The following SPAG16 variants were observed in gnomAD, a reference collection of about 807,000 sequenced individuals.
The protein encoded by SPAG16 is sperm associated antigen 16.
SPAG16 carries 86 observed loss-of-function variants against 80.4 expected under a neutral mutation model. That is an observed-to-expected ratio of 1.07 (90% CI 0.90 to 1.28). The LOEUF (loss-of-function observed/expected upper bound fraction) is 1.28. Ranked by LOEUF, SPAG16 falls within the 50% of genes most tolerant of loss-of-function variation. The pLI is 0.00. For synonymous variants in SPAG16, 294 were observed against 265.9 expected, an observed-to-expected ratio of 1.11 and a Z score of -1.03; for missense variants, 870 against 765.3, an observed-to-expected ratio of 1.14 and a Z score of -1.61.
At chr2:213,962,280 C>T (rs56050211) in intron 12 of SPAG16, among the ~76,000 whole-genome samples, 36 of 151,358 alleles carry the variant, frequency 2.4e-4, no homozygotes, top group Non-Finnish European at 4.6e-4. Context: ...TGCAAGCTCG[C>T]CTCCTGGGTT....
chr2:214,165,049 T>C (rs975320896), intron 15 of SPAG16, among the ~76,000 whole-genome samples: 6 of 152,170 alleles, frequency 3.9e-5, no homozygotes, highest in Admixed American at 2.0e-4. Flanking sequence ...CTTTACTGTA[T>C]GGAAATTTAT....
At chr2:213,672,642 CCTT>C (rs1203341526) in intron 10 of SPAG16, among the ~76,000 whole-genome samples, 1 of 151,836 alleles carries the variant, frequency 6.6e-6, no homozygotes, top group African/African-American at 2.4e-5. Flanking sequence ...TTTTTGCATC[CCTT>C]CTTCTTATAT....
intron 12 of SPAG16, among the ~76,000 whole-genome samples, chr2:213,964,410 T>G (rs777971296): frequency 1.2e-4 from 19 of 152,182 alleles, no homozygotes; most frequent in Non-Finnish European, 2.6e-4. Flanking sequence ...AAAGGCAGGT[T>G]AGCTAGCAAT....
At chr2:213,638,308 T>G (rs1366252181) in intron 10 of SPAG16, among the ~76,000 whole-genome samples, 2 of 152,148 alleles carry the variant, frequency 1.3e-5, no homozygotes, top group Non-Finnish European at 2.9e-5. Context: ...TGTTCTTGTT[T>G]CTCTAATTCT....
chr2:213,690,359 G>T (rs1002168043), intron 10 of SPAG16, among the ~76,000 whole-genome samples: 1 of 152,220 alleles, frequency 6.6e-6, no homozygotes, highest in African/African-American at 2.4e-5. Context: ...GCATCCTCCA[G>T]AGTGAAGGAA....
chr2:213,476,035 C>T (rs956099018), intron 9 of SPAG16, among the ~76,000 whole-genome samples: 3 of 152,198 alleles, frequency 2.0e-5, no homozygotes, highest in South Asian at 2.1e-4. Flanking sequence ...AGAAAACTCT[C>T]TTAATTTTTA....
At chr2:213,847,626 G>A (rs567608877) in intron 10 of SPAG16, among the ~76,000 whole-genome samples, 1 of 152,258 alleles carries the variant, frequency 6.6e-6, no homozygotes, top group Admixed American at 6.5e-5. Flanking sequence ...TCAGTATTGG[G>A]ATTACATTTC....
At chr2:214,211,849 C>A (rs759019507) in intron 15 of SPAG16, among the ~76,000 whole-genome samples, 1 of 152,134 alleles carries the variant, frequency 6.6e-6, no homozygotes, top group Admixed American at 6.6e-5. Flanking sequence ...GTAAAATCAT[C>A]TTTCCTTATA....
chr2:214,203,836 A>G (rs2058074861), intron 15 of SPAG16, among the ~76,000 whole-genome samples: 2 of 152,186 alleles, frequency 1.3e-5, no homozygotes, highest in Non-Finnish European at 2.9e-5. Flanking sequence ...AAGGGGGCGA[A>G]TCAGGGGTGC....
chr2:213,686,361 C>T (rs1384344690), intron 10 of SPAG16, among the ~76,000 whole-genome samples: 1 of 152,196 alleles, frequency 6.6e-6, no homozygotes, highest in East Asian at 1.9e-4. Flanking sequence ...TGTGATCCAC[C>T]CACCTTGGCC....
intron 15 of SPAG16, among the ~76,000 whole-genome samples, chr2:214,317,421 G>C (rs1252863057): frequency 6.6e-6 from 1 of 152,174 alleles, no homozygotes; most frequent in Non-Finnish European, 1.5e-5. Flanking sequence ...CCCAAATGGA[G>C]TGAGCACAAC....
intron 9 of SPAG16, among the ~76,000 whole-genome samples, chr2:213,446,660 C>CTT (rs1389366906): frequency 6.6e-6 from 1 of 152,224 alleles, no homozygotes; most frequent in Non-Finnish European, 1.5e-5. Context: ...TCTTATCGGG[C>CTT]TTATGTGCCT....
chr2:214,226,698 T>TCA (rs1198583875), intron 15 of SPAG16, among the ~76,000 whole-genome samples: 1 of 151,960 alleles, frequency 6.6e-6, no homozygotes, highest in African/African-American at 2.4e-5. Flanking sequence ...ACTAATAGGA[T>TCA]CACACAAGAT....
intron 9 of SPAG16, among the ~76,000 whole-genome samples, chr2:213,483,888 C>A (rs10165190): frequency 0.026 from 3,898 of 152,258 alleles, 162 homozygotes; most frequent in African/African-American, 0.088. Flanking sequence ...ATAATTCCTT[C>A]TATGCAAAAT....
intron 15 of SPAG16, among the ~76,000 whole-genome samples, chr2:214,295,106 T>G (rs1003419229): frequency 6.6e-6 from 1 of 152,192 alleles, no homozygotes; most frequent in African/African-American, 2.4e-5. Context: ...CCCAGCTCTA[T>G]CATCAAGAGG....
chr2:213,589,113 C>T (rs2060589646), intron 10 of SPAG16, among the ~76,000 whole-genome samples: 1 of 152,102 alleles, frequency 6.6e-6, no homozygotes, highest in Non-Finnish European at 1.5e-5. Flanking sequence ...TTTTACAATA[C>T]TCTCTTGTGA....
chr2:213,964,543 A>G (rs1055227801), intron 12 of SPAG16, among the ~76,000 whole-genome samples: 3 of 152,120 alleles, frequency 2.0e-5, no homozygotes, highest in African/African-American at 4.8e-5. Flanking sequence ...CACTTTGACT[A>G]TGCCATATAT....
chr2:213,348,083 A>G (rs1311457191), intron 6 of SPAG16, among the ~76,000 whole-genome samples: 4 of 152,172 alleles, frequency 2.6e-5, no homozygotes, highest in Non-Finnish European at 5.9e-5. Flanking sequence ...TATTAGGTGC[A>G]CATATATTTA....
chr2:214,185,139 T>G (rs2057427573), intron 15 of SPAG16, among the ~76,000 whole-genome samples: 1 of 152,078 alleles, frequency 6.6e-6, no homozygotes, highest in Non-Finnish European at 1.5e-5. Flanking sequence ...AAAAATGCTT[T>G]GAAAAGTGCT....
Sources: allele counts gnomAD v4.1 joint callset (sites outside exome capture counted in the v4.1 genomes callset), GRCh38; gene constraint gnomAD v4.1.1; transcripts MANE v1.5; gene names NCBI Gene and HGNC (gene_info 2026-07-23, HGNC 2026-07-21).